CSMD2: variants seen among roughly 807,000 people sequenced by gnomAD.
CSMD2 encodes CUB and sushi domain-containing protein 2.
In CSMD2, 130 loss-of-function variants were observed where a neutral mutation model predicts 398.5. The ratio of observed to expected loss-of-function variants is 0.33; its 90% CI spans 0.28 to 0.38. The LOEUF (loss-of-function observed/expected upper bound fraction) is 0.38, where lower values mean the gene tolerates loss of function less well. CSMD2 is among the 10% of genes least tolerant of loss of function. CSMD2 has a pLI of 1.00. For missense variants in CSMD2, 3,829 were observed against 4,764.9 expected (o/e 0.80, Z 5.78); for synonymous variants, 1,828 against 1,908.5 (o/e 0.96, Z 1.10).
chr1:33,987,585 C>T (rs1646402729), intron 3 of CSMD2, among the ~76,000 whole-genome samples: 1 of 152,186 alleles, frequency 6.6e-6, no homozygotes, highest in Non-Finnish European at 1.5e-5. Flanking sequence ...AGCATCTCTT[C>T]CATCTCTGCT....
At chr1:34,059,963 T>C (rs1042145937) in intron 2 of CSMD2, among the ~76,000 whole-genome samples, 3 of 152,166 alleles carry the variant, frequency 2.0e-5, no homozygotes, top group Admixed American at 1.3e-4. Context: ...CAGGTCATCA[T>C]AGGGTCACCT....
At chr1:33,832,219 G>A (rs1274314749) in intron 6 of CSMD2, among the ~76,000 whole-genome samples, 9 of 151,570 alleles carry the variant, frequency 5.9e-5, no homozygotes, top group Non-Finnish European at 1.2e-4. Context: ...ATTCTTTTCA[G>A]CACCACACCA....
At chr1:33,891,432 C>G (rs1257696507) in intron 5 of CSMD2, among the ~76,000 whole-genome samples, 3 of 151,188 alleles carry the variant, frequency 2.0e-5, no homozygotes, top group Non-Finnish European at 4.4e-5. Flanking sequence ...GAAATAGGAA[C>G]ACTTTTACAC....
chr1:33,677,207 C>A (rs1016369325), intron 25 of CSMD2, among the ~76,000 whole-genome samples: 1 of 152,110 alleles, frequency 6.6e-6, no homozygotes, highest in Non-Finnish European at 1.5e-5. Flanking sequence ...TGGCAACCTA[C>A]TCATCTGACA....
chr1:33,924,466 T>A (rs1644055304), intron 4 of CSMD2, among the ~76,000 whole-genome samples: 1 of 152,272 alleles, frequency 6.6e-6, no homozygotes. Flanking sequence ...GTTGATTCCA[T>A]ATCTTTGCTG....
chr1:34,084,528 G>T (rs200102442), intron 2 of CSMD2, among the ~76,000 whole-genome samples: 2,682 of 151,926 alleles, frequency 0.018, 43 homozygotes, highest in East Asian at 0.052. Flanking sequence ...CAAACAAATT[G>T]ACAAGAAAAA....
intron 13 of CSMD2, among the ~76,000 whole-genome samples, chr1:33,759,324 CTTTT>C (rs756784492): frequency 2.4e-5 from 3 of 124,792 alleles, no homozygotes; most frequent in Non-Finnish European, 5.1e-5. Flanking sequence ...CTTTTTTTTT[CTTTT>C]TTTTTTTTTT....
chr1:33,719,571 T>C (rs912494372), intron 19 of CSMD2, among the ~76,000 whole-genome samples: 1 of 152,192 alleles, frequency 6.6e-6, no homozygotes, highest in Non-Finnish European at 1.5e-5. Context: ...ACACAAATAC[T>C]TCACTTGACT....
chr1:33,549,779 G>A (rs1471701283), intron 56 of CSMD2, among the ~76,000 whole-genome samples: 1 of 152,084 alleles, frequency 6.6e-6, no homozygotes, highest in Non-Finnish European at 1.5e-5. Context: ...TTGGACCTGA[G>A]CACGAGTCTG....
chr1:34,105,380 A>T (rs1056341844), intron 1 of CSMD2, among the ~76,000 whole-genome samples: 13 of 152,214 alleles, frequency 8.5e-5, no homozygotes, highest in African/African-American at 3.1e-4. Context: ...TAGGGGGAAA[A>T]TCACCTCTAG....
chr1:33,514,556 C>T lies in CSMD2; in HGVS notation c.*2068G>A, dbSNP rs1458208014. The T allele has an allele frequency of 1.7e-5, 2 of 119,070 alleles. No homozygotes were observed. The highest frequency in any genetic ancestry group is 3.2e-5 in the Non-Finnish European group (2 of 62,226). The allele number at this position is 119,070 out of a possible 1,614,324, so 7.4% of individuals were successfully genotyped here. A position where few individuals can be genotyped will look rare whatever the true frequency, so the allele number is the denominator to read the frequency against. ...TCCTCGAGCATCTCATGGAACTTTA[C>T]AAGGAGACGCAGGGGAGGGGTGGGG... On this transcript the variant is annotated 3_prime_UTR_variant, in exon 71 of 71. Coordinates refer to ENST00000373381, the MANE Select transcript of CSMD2 (RefSeq NM_001281956.2).
chr1:33,935,802 C>T lies in CSMD2; in HGVS notation c.670G>A (p.Glu224Lys), dbSNP rs145341286. Residue 224 changes from glutamate to lysine, a missense_variant, in exon 4 of 71, where the codon GAG (glutamate) becomes AAG (lysine). Physicochemically the swap from Glu to Lys is moderately conservative, Grantham distance 56 (BLOSUM62 1). This residue lies in a region of CSMD2 where 2,001 missense variants were observed against 2,567.1 expected (regional missense o/e 0.78). Coordinates refer to ENST00000373381, the MANE Select transcript of CSMD2 (RefSeq NM_001281956.2). ...HAVLTCHAGS[E>K]NSATWDFPLP... ...GGGAAGTCCCACGTGGCGCTGTTCT[C>T]AGAGCCAGCGTGGCAGGTGAGCACG... 5.0e-6 allele frequency: 8 copies of T among 1,613,486 alleles called. No individual in the cohort carries two copies. The highest frequency in any genetic ancestry group is 6.8e-6 in the Non-Finnish European group (8 of 1,179,638).
intron 42 of CSMD2, among the ~76,000 whole-genome samples, chr1:33,604,317 C>T (rs1294740726): frequency 1.3e-5 from 2 of 152,190 alleles, no homozygotes; most frequent in African/African-American, 4.8e-5. Context: ...CTAACTGAGG[C>T]TATAATAGTT....
At chr1:33,894,220 C>T (rs1642229733) in intron 5 of CSMD2, among the ~76,000 whole-genome samples, 1 of 152,086 alleles carries the variant, frequency 6.6e-6, no homozygotes, top group South Asian at 2.1e-4. Flanking sequence ...CTGCCTAGGC[C>T]CCCAGTGTTA....
chr1:34,012,251 A>T (rs1647451191), intron 3 of CSMD2, among the ~76,000 whole-genome samples: 1 of 151,944 alleles, frequency 6.6e-6, no homozygotes, highest in African/African-American at 2.4e-5. Flanking sequence ...CGCTGCCGGG[A>T]CACTCTTCTC....
At chr1:33,591,578 T>C (rs1000652472) in intron 44 of CSMD2, among the ~76,000 whole-genome samples, 2 of 152,178 alleles carry the variant, frequency 1.3e-5, no homozygotes, top group Non-Finnish European at 2.9e-5. Context: ...CAATATAAAA[T>C]AAACATTTTC....
intron 2 of CSMD2, among the ~76,000 whole-genome samples, chr1:34,081,654 G>C (rs1161118150): frequency 1.3e-5 from 2 of 152,176 alleles, no homozygotes; most frequent in African/African-American, 4.8e-5. Context: ...TCCTGACCTC[G>C]AGTGATCTGC....
intron 25 of CSMD2, among the ~76,000 whole-genome samples, chr1:33,663,458 GA>G (rs1305924343): frequency 1.3e-5 from 2 of 152,030 alleles, no homozygotes; most frequent in African/African-American, 4.8e-5. Flanking sequence ...GGAATACTGA[GA>G]AGGCAGGATC....
chr1:33,919,963 A>G (rs1379555805), intron 4 of CSMD2, among the ~76,000 whole-genome samples: 1 of 152,234 alleles, frequency 6.6e-6, no homozygotes, highest in African/African-American at 2.4e-5. Flanking sequence ...TCAGAAGGAT[A>G]AAGACAACTC....
Sources: gnomAD v4.1 joint callset for allele counts (sites outside exome capture counted in the v4.1 genomes callset) on GRCh38, gnomAD v4.1.1 for gene constraint, gnomAD v4.1.1 regional missense constraint, MANE v1.5 for transcripts, NCBI Gene and HGNC (gene_info 2026-07-23, HGNC 2026-07-21) for gene names.